Variants in ST6GALNAC5 observed in about 807,000 individuals in gnomAD.
ST6GALNAC5 encodes the protein alpha-N-acetylgalactosaminide alpha-2,6-sialyltransferase 5.
A neutral mutation model predicts 33.6 loss-of-function variants in ST6GALNAC5; 27 were observed. That is an observed-to-expected ratio of 0.80 (90% confidence interval 0.59 to 1.11). The LOEUF (loss-of-function observed/expected upper bound fraction) is 1.11. ST6GALNAC5 is among the 50% of genes least tolerant of loss of function. ST6GALNAC5 has a pLI of 0.00. For missense variants in ST6GALNAC5, 428 were observed against 454.0 expected (o/e 0.94, Z 0.52); for synonymous variants, 194 against 171.2 (o/e 1.13, Z -1.04).
chr1:76,976,959 A>C (rs1649034880), intron 2 of ST6GALNAC5, among the ~76,000 whole-genome samples: 1 of 152,180 alleles, frequency 6.6e-6, no homozygotes, highest in Admixed American at 6.6e-5. Flanking sequence ...ATTCTGATTT[A>C]GTAGGTCTGA....
rs1239286230 is a variant in ST6GALNAC5 at position 76,868,328 on chromosome 1, G to T, written c.16-169G>T. On this transcript the variant is annotated intron_variant, in intron 1 of 4. Transcript: ENST00000477717. This position sits in a 1 kb window ranked among gnomAD's most constrained non-coding sequence, Gnocchi z 4.3. ...GCGCCCGGAGCATCCCTTGCGATAC[G>T]CTAGGGGACGGTGCTTTCTCTGTCC... is the stretch of plus-strand genomic sequence containing the variant. Among the ~76,000 whole-genome samples the T allele has an allele frequency of 1.3e-5, 2 of 152,034 alleles. No homozygotes were observed. Among genetic ancestry groups the T allele is most frequent in the African/African-American group, 2.4e-5 (1 of 41,422 alleles).
At chr1:76,896,186 A>G (rs912262038) in intron 2 of ST6GALNAC5, among the ~76,000 whole-genome samples, 2 of 152,194 alleles carry the variant, frequency 1.3e-5, no homozygotes, top group Non-Finnish European at 2.9e-5. Flanking sequence ...AGAAATGACT[A>G]TGGTGGCCTT....
chr1:77,060,082 T>G (rs1023587673), intron 4 of ST6GALNAC5: 1 of 151,952 alleles, frequency 6.6e-6, no homozygotes, highest in African/African-American at 2.4e-5. Context: ...GTTCCCTCAC[T>G]CTCCCCACCT....
At chr1:76,897,728 T>C (rs1487959738) in intron 2 of ST6GALNAC5, among the ~76,000 whole-genome samples, 2 of 152,132 alleles carry the variant, frequency 1.3e-5, no homozygotes, top group Non-Finnish European at 2.9e-5. Flanking sequence ...ATAATTTAGT[T>C]AAAGTGTCTC....
intron 2 of ST6GALNAC5, among the ~76,000 whole-genome samples, chr1:76,869,607 A>G (rs1403769879): frequency 6.6e-6 from 1 of 152,192 alleles, no homozygotes; most frequent in Non-Finnish European, 1.5e-5. Context: ...AAATCTCCCA[A>G]TTATTCTTTT....
Position 77,044,414 on chromosome 1 carries a change from G to A in ST6GALNAC5, c.472G>A (p.Asp158Asn), listed in dbSNP as rs762652978. The change falls in exon 3 of 5, where the codon GAC becomes AAC. Residue 158 changes from aspartate to asparagine, a missense_variant. By Grantham distance (23) the Asp-to-Asn change is conservative (BLOSUM62 1). Transcript: ENST00000477717. ...CCAGAGGATCCTCCGCAACCGCCATGACCTGCTCAACGTGAGCCAGGGCAC... is the reference window on the plus strand; with the variant it reads ...CCAGAGGATCCTCCGCAACCGCCATAACCTGCTCAACGTGAGCCAGGGCAC... ...SIQRILRNRH[D>N]LLNVSQGTVF... 1.4e-5 allele frequency: 22 copies of A among 1,613,408 alleles called. No individual in the cohort carries two copies. The highest frequency in any genetic ancestry group is 1.8e-5 in the Non-Finnish European group (21 of 1,179,760).
chr1:76,966,538 C>T (rs532896195), intron 2 of ST6GALNAC5, among the ~76,000 whole-genome samples: 1 of 152,140 alleles, frequency 6.6e-6, no homozygotes, highest in African/African-American at 2.4e-5. Flanking sequence ...ATCATGTCAT[C>T]TGCAAAAAGG....
intron 2 of ST6GALNAC5, among the ~76,000 whole-genome samples, chr1:76,976,518 A>G (rs1185669870): frequency 6.6e-6 from 1 of 152,144 alleles, no homozygotes; most frequent in Admixed American, 6.5e-5. Context: ...TAAAGATTTA[A>G]TAAAAGTTCC....
At chr1:77,015,039 A>C (rs1386395830) in intron 2 of ST6GALNAC5, among the ~76,000 whole-genome samples, 2 of 135,688 alleles carry the variant, frequency 1.5e-5, no homozygotes, top group Admixed American at 8.0e-5. Flanking sequence ...ACAATAGGAC[A>C]CTCGCACACA....
chr1:76,869,167 GC>G (rs909876222), intron 2 of ST6GALNAC5: 6 of 187,906 alleles, frequency 3.2e-5, no homozygotes, highest in Admixed American at 5.7e-5. Context: ...AGCGCAGCCA[GC>G]CCGCGGCCAC....
intron 2 of ST6GALNAC5, among the ~76,000 whole-genome samples, chr1:76,911,493 G>C (rs1335069031): frequency 6.6e-6 from 1 of 152,030 alleles, no homozygotes; most frequent in Non-Finnish European, 1.5e-5. Flanking sequence ...TTTTTCTATT[G>C]ATTGGAATAG....
At chr1:76,949,844 CT>C in intron 2 of ST6GALNAC5, among the ~76,000 whole-genome samples, 1 of 152,196 alleles carries the variant, frequency 6.6e-6, no homozygotes, top group East Asian at 1.9e-4. Flanking sequence ...GGCAATAACC[CT>C]TTTTTAGTCA....
chr1:76,976,541 C>T (rs1414011054), intron 2 of ST6GALNAC5, among the ~76,000 whole-genome samples: 3 of 152,182 alleles, frequency 2.0e-5, no homozygotes, highest in Non-Finnish European at 4.4e-5. Context: ...GTGCCTTCAT[C>T]TGAGCTTGTT....
At chr1:76,972,281 T>G (rs938038725) in intron 2 of ST6GALNAC5, among the ~76,000 whole-genome samples, 3 of 152,134 alleles carry the variant, frequency 2.0e-5, no homozygotes, top group Non-Finnish European at 4.4e-5. Context: ...GAGAACAGCA[T>G]GGGAAAGACC....
intron 2 of ST6GALNAC5, among the ~76,000 whole-genome samples, chr1:77,040,293 C>T (rs1651791037): frequency 6.6e-6 from 1 of 152,182 alleles, no homozygotes; most frequent in Non-Finnish European, 1.5e-5. Context: ...TATTGGCACG[C>T]CTTACCAAAA....
chr1:76,954,934 ATTTAACAAATAC>A (rs1647895478), intron 2 of ST6GALNAC5, among the ~76,000 whole-genome samples: 1 of 152,152 alleles, frequency 6.6e-6, no homozygotes, highest in Non-Finnish European at 1.5e-5. Flanking sequence ...ATATTCATTA[ATTTAACAAATAC>A]TTGATGAGTT....
chr1:76,934,255 C>A (rs1341244135), intron 2 of ST6GALNAC5, among the ~76,000 whole-genome samples: 2 of 151,944 alleles, frequency 1.3e-5, no homozygotes, highest in African/African-American at 2.4e-5. Context: ...GTAAACAGAA[C>A]CTTACCTGTA....
At chr1:76,968,765 AGGCAGGCCT>A (rs1159979674) in intron 2 of ST6GALNAC5, among the ~76,000 whole-genome samples, 3 of 152,116 alleles carry the variant, frequency 2.0e-5, no homozygotes, top group Admixed American at 6.6e-5. Context: ...AGATCTTGTA[AGGCAGGCCT>A]GGTGGTGACA....
intron 2 of ST6GALNAC5, among the ~76,000 whole-genome samples, chr1:76,998,926 T>C (rs1388021145): frequency 6.6e-6 from 1 of 152,212 alleles, no homozygotes; most frequent in Non-Finnish European, 1.5e-5. Context: ...TTTTCATACC[T>C]GGAATAGAAA....
Sources: allele counts gnomAD v4.1 joint callset (sites outside exome capture counted in the v4.1 genomes callset), GRCh38; gene constraint gnomAD v4.1.1; non-coding constraint Gnocchi (gnomAD v3.1); transcripts MANE v1.5; gene names NCBI Gene and HGNC (gene_info 2026-07-23, HGNC 2026-07-21).